Variants in ZNF25 observed in about 807,000 individuals in gnomAD.
The protein encoded by ZNF25 is zinc finger protein 25.
ZNF25 carries 21 observed loss-of-function variants against 30.9 expected under a neutral mutation model. That is an observed-to-expected ratio of 0.68 (90% CI 0.48 to 0.98). ZNF25 has a LOEUF of 0.98. ZNF25 is among the 50% of genes least tolerant of loss of function. ZNF25 has a pLI of 0.00. For missense variants in ZNF25, 501 were observed against 529.9 expected, an observed-to-expected ratio of 0.95 and a Z score of 0.54; for synonymous variants, 169 against 181.3, an observed-to-expected ratio of 0.93 and a Z score of 0.55.
rs559599564 is a variant in ZNF25 at position 37,957,241 on chromosome 10, T to C, written c.143-126A>G. 2,090 of 1,271,148 alleles carry C rather than the reference T, an allele frequency of 1.6e-3. 5 individuals carry two copies. Among genetic ancestry groups the C allele is most frequent in the Non-Finnish European group, 2.1e-3 (1,960 of 912,094 alleles). 78.7% of individuals were successfully genotyped at this position (1,271,148 alleles called of 1,614,324 possible). A position where few individuals can be genotyped will look rare whatever the true frequency, so the allele number is the denominator to read the frequency against. ...GTTAGGCTTGGCAAATTTAGATTCT[T>C]TCAGCGGGGAGAGAGGGACACAAAT... On this transcript the variant is annotated intron_variant, in intron 3 of 5. Coordinates refer to ENST00000302609, the MANE Select transcript of ZNF25 (RefSeq NM_145011.4).
chr10:37,963,257 G>A (rs1442970143), intron 2 of ZNF25, among the ~76,000 whole-genome samples: 1 of 151,932 alleles, frequency 6.6e-6, no homozygotes, highest in African/African-American at 2.4e-5. Flanking sequence ...CAAGTAGCTG[G>A]GATTACAGGT....
intron 2 of ZNF25, among the ~76,000 whole-genome samples, chr10:37,967,305 G>A (rs2063237104): frequency 6.6e-6 from 1 of 152,280 alleles, no homozygotes; most frequent in East Asian, 1.9e-4. Context: ...AAAACTTACT[G>A]CAAAGCTGCA....
chr10:37,953,241 CT>C, intron 5 of ZNF25, 46 bp from the exon 6 acceptor site: 1 of 1,512,906 alleles, frequency 6.6e-7, no homozygotes, highest in Non-Finnish European at 8.8e-7. Context: ...ACTTTTAAGG[CT>C]TTTTGTTCCC....
intron 2 of ZNF25, 50 bp from the exon 3 acceptor site, chr10:37,957,596 T>C: frequency 6.3e-7 from 1 of 1,580,392 alleles, no homozygotes; most frequent in Non-Finnish European, 8.6e-7. Flanking sequence ...ATAGATTGCA[T>C]ACCATTGAAA....
rs201582068 is a variant in ZNF25 at position 37,960,623 on chromosome 10, C to CAAAAA, written c.16-3082_16-3078dup. ...TGGGTGACCGAGCAAGACTCCATCT[C>CAAAAA]AAAAAAAAAAAAAAAAAAAAACAAA... On this transcript the variant is annotated intron_variant, in intron 2 of 5. Coordinates refer to ENST00000302609, the MANE Select transcript of ZNF25 (RefSeq NM_145011.4). 7.2e-3 allele frequency among the ~76,000 whole-genome samples: 474 copies of CAAAAA among 65,584 alleles called. 49 individuals are homozygous for CAAAAA. The highest frequency in any genetic ancestry group is 0.017 in the African/African-American group (248 of 14,698). The allele number at this position is 65,584 out of a possible 152,430, so 43.0% of individuals were successfully genotyped here.
At chr10:37,968,261 T>C (rs1374443787) in intron 2 of ZNF25, among the ~76,000 whole-genome samples, 1 of 152,114 alleles carries the variant, frequency 6.6e-6, no homozygotes, top group Non-Finnish European at 1.5e-5. Context: ...TTTCACCGTA[T>C]TGGCCAGGCC....
chr10:37,967,741 T>C (rs1033201694), intron 2 of ZNF25, among the ~76,000 whole-genome samples: 2 of 152,120 alleles, frequency 1.3e-5, no homozygotes, highest in African/African-American at 4.8e-5. Context: ...TCAAGACCAT[T>C]CAGTGGGAAA....
At chr10:37,958,638 A>T (rs2135339361) in intron 2 of ZNF25, among the ~76,000 whole-genome samples, 1 of 152,278 alleles carries the variant, frequency 6.6e-6, no homozygotes, top group African/African-American at 2.4e-5. Flanking sequence ...AGAATTAAGG[A>T]GGTGGGTGTG....
At chr10:37,965,731 C>T (rs2063144254) in intron 2 of ZNF25, among the ~76,000 whole-genome samples, 1 of 152,128 alleles carries the variant, frequency 6.6e-6, no homozygotes, top group South Asian at 2.1e-4. Flanking sequence ...TATATAGGTA[C>T]ATAGAAAAGC....
intron 1 of ZNF25, among the ~76,000 whole-genome samples, chr10:37,973,828 T>C (rs1446222692): frequency 6.6e-6 from 1 of 152,012 alleles, no homozygotes; most frequent in African/African-American, 2.4e-5. Flanking sequence ...GCCAAAGCAA[T>C]TTTGTGCAAA....
intron 2 of ZNF25, 69 bp from the exon 3 acceptor site, chr10:37,957,615 G>A (rs1279025914): frequency 1.3e-6 from 2 of 1,542,792 alleles, no homozygotes; most frequent in Non-Finnish European, 1.8e-6. Flanking sequence ...AAAGACATGT[G>A]AACTAGCTCT....
At chr10:37,968,441 C>T (rs1015542564) in intron 2 of ZNF25, among the ~76,000 whole-genome samples, 5 of 150,848 alleles carry the variant, frequency 3.3e-5, no homozygotes, top group African/African-American at 9.8e-5. Context: ...CTGCAACCTC[C>T]ACCTCCTCGG....
intron 2 of ZNF25, among the ~76,000 whole-genome samples, chr10:37,962,060 C>T (rs888811792): frequency 9.3e-5 from 14 of 151,254 alleles, no homozygotes; most frequent in African/African-American, 3.4e-4. Flanking sequence ...CATGGTGAAA[C>T]CCCATCTCTA....
rs1238936246 is a variant in ZNF25 at position 37,957,042 on chromosome 10, T to G, written c.216A>C (p.Glu72Asp). Residue 72 changes from glutamate to aspartate, a missense_variant, in exon 4 of 6, where the codon GAA (glutamate) becomes GAC (aspartate). Transcript: ENST00000302609. ...QGKEPWILEVEFPHRGFPEDL... is the reference protein window; with the variant it reads ...QGKEPWILEVDFPHRGFPEDL... ...CACCAGGGAAGCCCCGATGTGGAAA[T>G]TCTACTTCTAATATCCATGGCTCTT... 2 of 1,613,848 alleles carry G rather than the reference T, an allele frequency of 1.2e-6. No homozygotes were observed. The highest frequency in any genetic ancestry group is 1.7e-5 in the Admixed American group (1 of 59,978).
intron 2 of ZNF25, among the ~76,000 whole-genome samples, chr10:37,961,213 A>T (rs186403946): frequency 6.6e-6 from 1 of 152,324 alleles, no homozygotes; most frequent in East Asian, 1.9e-4. Context: ...AAAGAGAAAC[A>T]CAAGATTGTG....
At chr10:37,961,156 G>A (rs1316669277) in intron 2 of ZNF25, among the ~76,000 whole-genome samples, 4 of 152,104 alleles carry the variant, frequency 2.6e-5, no homozygotes, top group African/African-American at 9.7e-5. Context: ...GGTCAATTGG[G>A]CAACATGATT....
intron 2 of ZNF25, among the ~76,000 whole-genome samples, chr10:37,961,676 C>G (rs755351096): frequency 1.3e-5 from 2 of 151,220 alleles, no homozygotes; most frequent in Admixed American, 6.6e-5. Flanking sequence ...AATCCCAGCA[C>G]TTTGGGAGGC....
At chr10:37,973,357 T>C (rs1407991250) in intron 1 of ZNF25, among the ~76,000 whole-genome samples, 2 of 152,094 alleles carry the variant, frequency 1.3e-5, no homozygotes, top group African/African-American at 2.4e-5. Context: ...GGCTCACACC[T>C]GTAATCCCAA....
intron 4 of ZNF25, among the ~76,000 whole-genome samples, chr10:37,954,559 C>A (rs1410018937): frequency 6.6e-6 from 1 of 152,126 alleles, no homozygotes; most frequent in African/African-American, 2.4e-5. Context: ...CCATCAAATC[C>A]TGCACTTCTA....
Sources: gnomAD v4.1 joint callset for allele counts (sites outside exome capture counted in the v4.1 genomes callset) on GRCh38, gnomAD v4.1.1 for gene constraint, MANE v1.5 for transcripts, NCBI Gene and HGNC (gene_info 2026-07-23, HGNC 2026-07-21) for gene names.